Variants in TCF12 observed in about 807,000 individuals in gnomAD.
TCF12 encodes transcription factor 12.
A neutral mutation model predicts 86.0 loss-of-function variants in TCF12; 45 were observed. The observed-to-expected ratio is 0.52, with a 90% CI of 0.41 to 0.67. The LOEUF (loss-of-function observed/expected upper bound fraction) is 0.67. Ranked by LOEUF, TCF12 falls within the 30% of genes least tolerant of loss-of-function variation. The pLI is 0.00. For missense variants in TCF12, 881 were observed against 859.9 expected (o/e 1.02, Z -0.31); for synonymous variants, 330 against 299.6 (o/e 1.10, Z -1.05).
intron 5 of TCF12, among the ~76,000 whole-genome samples, chr15:57,104,839 T>A: frequency 6.6e-6 from 1 of 151,156 alleles, no homozygotes; most frequent in East Asian, 1.9e-4. Flanking sequence ...TTTTCTCATC[T>A]ATCTTGCTGG....
At position 57,289,187 on chromosome 15, in the gene TCF12, G is replaced by C. The variant is rs1272457941; in HGVS notation, c.*3042G>C. 6.6e-6 allele frequency: 1 copy of C among 152,154 alleles called. No individual in the cohort carries two copies. The highest frequency in any genetic ancestry group is 6.5e-5 in the Admixed American group (1 of 15,280). The allele number at this position is 152,154 out of a possible 1,614,324, so 9.4% of individuals were successfully genotyped here. ...CTCTTGGTGAATTATGAAATCCACTGTTCACATTGGGTGCCTAACAGAACA... is the reference window on the plus strand; with the variant it reads ...CTCTTGGTGAATTATGAAATCCACTCTTCACATTGGGTGCCTAACAGAACA... On this transcript the variant is annotated 3_prime_UTR_variant, in exon 21 of 21. Transcript: ENST00000333725.
intron 4 of TCF12, among the ~76,000 whole-genome samples, chr15:57,067,037 T>C (rs1697095904): frequency 6.6e-6 from 1 of 152,218 alleles, no homozygotes; most frequent in South Asian, 2.1e-4. Context: ...CTTATCTCTG[T>C]GTTAGGCTTA....
chr15:57,200,933 G>A (rs564792203), intron 8 of TCF12, among the ~76,000 whole-genome samples: 1 of 152,142 alleles, frequency 6.6e-6, no homozygotes, highest in Admixed American at 6.6e-5. Flanking sequence ...TGGCTGTATA[G>A]CCTTAGATTA....
intron 18 of TCF12, among the ~76,000 whole-genome samples, chr15:57,264,946 T>C (rs2060781136): frequency 6.6e-6 from 1 of 151,990 alleles, no homozygotes; most frequent in African/African-American, 2.4e-5. Context: ...GCCAGGCTGG[T>C]CTCGAACTCC....
At chr15:57,142,838 T>A (rs117932255) in intron 5 of TCF12, among the ~76,000 whole-genome samples, 100 of 152,232 alleles carry the variant, frequency 6.6e-4, no homozygotes, top group Admixed American at 1.8e-3. Flanking sequence ...CTCTTTCCAA[T>A]CTAATCTTAA....
chr15:57,086,584 T>G (rs543008744), intron 4 of TCF12, among the ~76,000 whole-genome samples: 1 of 152,022 alleles, frequency 6.6e-6, no homozygotes, highest in South Asian at 2.1e-4. Context: ...AGCCGTGCAA[T>G]GATGGAGTGC....
chr15:56,933,463 A>G (rs1294541062), intron 3 of TCF12, among the ~76,000 whole-genome samples: 1 of 152,144 alleles, frequency 6.6e-6, no homozygotes, highest in Non-Finnish European at 1.5e-5. Flanking sequence ...GTAGTGGAAA[A>G]TAAAGATACA....
intron 4 of TCF12, among the ~76,000 whole-genome samples, chr15:57,077,325 A>ATGTGTGTG (rs777718984): frequency 2.4e-5 from 3 of 127,276 alleles, no homozygotes; most frequent in Non-Finnish European, 3.2e-5. Flanking sequence ...ATATGTATAT[A>ATGTGTGTG]TATGTGTGTG....
intron 4 of TCF12, among the ~76,000 whole-genome samples, chr15:57,066,476 T>C (rs1826410893): frequency 6.6e-6 from 1 of 152,172 alleles, no homozygotes; most frequent in African/African-American, 2.4e-5. Context: ...GAAATTTATT[T>C]AGACTTTATC....
At chr15:57,208,002 T>C (rs940077834) in intron 8 of TCF12, among the ~76,000 whole-genome samples, 10 of 151,568 alleles carry the variant, frequency 6.6e-5, no homozygotes, top group Middle Eastern at 3.4e-3. Context: ...GATTTAAATA[T>C]GAATAAAATA....
chr15:57,114,321 TG>T lies in TCF12; in HGVS notation c.325+22431del, dbSNP rs536313334. On this transcript the variant is annotated intron_variant, in intron 5 of 20. Transcript: ENST00000333725. The stretch of plus-strand genomic sequence containing the variant: ...GTAATTGTTTGTTGAGACAGGATCC[TG>T]TTCTGTTGTGCAGGCTGGAGTGCAG... Among the ~76,000 whole-genome samples the T allele has an allele frequency of 5.1e-3, 776 of 152,266 alleles. 3 individuals carry two copies. The highest frequency in any genetic ancestry group is 0.014 in the African/African-American group (588 of 41,546).
intron 3 of TCF12, among the ~76,000 whole-genome samples, chr15:57,034,766 A>G (rs1349727455): frequency 6.6e-6 from 1 of 152,216 alleles, no homozygotes; most frequent in Non-Finnish European, 1.5e-5. Flanking sequence ...AATAAGCAGT[A>G]TAATAGTGAT....
chr15:57,109,951 G>A (rs2050379533), intron 5 of TCF12, among the ~76,000 whole-genome samples: 1 of 152,112 alleles, frequency 6.6e-6, no homozygotes, highest in Non-Finnish European at 1.5e-5. Context: ...TATGATAGAT[G>A]AAATATTTTA....
At chr15:56,933,217 A>C (rs2060322471) in intron 3 of TCF12, among the ~76,000 whole-genome samples, 1 of 152,240 alleles carries the variant, frequency 6.6e-6, no homozygotes. Flanking sequence ...TTATTCCAAA[A>C]GTAGTTTAAA....
At position 57,063,807 on chromosome 15, in the gene TCF12, C is replaced by G; in HGVS notation, c.206C>G (p.Ser69Cys). ...GGAACAAGTGGTCAACCAAGTCCTT[C>G]CTATGATTCATCTAGAGTAAGTTTG... ...SWGTSGQPSP[S>C]YDSSRGFTDS... Residue 69 changes from serine (S) to cysteine (C), a missense_variant, in exon 4 of 21, where the codon TCC becomes TGC. Coordinates refer to ENST00000333725, the MANE Select transcript of TCF12 (RefSeq NM_207037.2). 6.2e-7 allele frequency: 1 copy of G among 1,602,604 alleles called. No individual in the cohort carries two copies. Among genetic ancestry groups the G allele is most frequent in the Non-Finnish European group, 8.5e-7 (1 of 1,171,140 alleles).
In TCF12 at chr15:56,922,027, T is replaced by A. The variant is rs981070493; in HGVS notation, c.148+929T>A. Among the ~76,000 whole-genome samples the A allele has an allele frequency of 2.0e-5, 3 of 152,084 alleles. No homozygotes were observed. In the South Asian group the frequency reaches 6.2e-4, roughly 32 times the overall value. On this transcript the variant is annotated intron_variant, in intron 3 of 20. Coordinates refer to ENST00000333725, the MANE Select transcript of TCF12 (RefSeq NM_207037.2). The stretch of plus-strand genomic sequence containing the variant: ...GGATTTTAAGTAGGGTAAAGACTAG[T>A]ATTATTCTTGATCAAAAGGACATCA...
chr15:57,238,119 G>T (rs890457806), intron 12 of TCF12, among the ~76,000 whole-genome samples: 1 of 152,194 alleles, frequency 6.6e-6, no homozygotes, highest in Non-Finnish European at 1.5e-5. Flanking sequence ...TGTACAAATG[G>T]AGAAGCTGCT....
intron 3 of TCF12, among the ~76,000 whole-genome samples, chr15:57,033,888 A>G (rs191442619): frequency 1.9e-4 from 29 of 152,316 alleles, no homozygotes; most frequent in Admixed American, 1.5e-3. Flanking sequence ...AGAAATGGAT[A>G]TGATGAATTG....
intron 5 of TCF12, among the ~76,000 whole-genome samples, chr15:57,163,646 T>C (rs1428902901): frequency 2.0e-5 from 3 of 152,188 alleles, no homozygotes; most frequent in Non-Finnish European, 2.9e-5. Flanking sequence ...GAGGCTGCAG[T>C]GAGCTGTAAT....
Sources: allele counts gnomAD v4.1 joint callset (sites outside exome capture counted in the v4.1 genomes callset), GRCh38; gene constraint gnomAD v4.1.1; transcripts MANE v1.5; gene names NCBI Gene and HGNC (gene_info 2026-07-23, HGNC 2026-07-21).